The following L3MBTL3 variants were observed in gnomAD, a reference collection of about 807,000 sequenced individuals.
L3MBTL3 encodes L3MBTL histone methyl-lysine binding protein 3.
Under a neutral mutation model 102.3 loss-of-function variants are expected in L3MBTL3, and 27 were observed. The observed-to-expected ratio is 0.26, with a 90% CI of 0.19 to 0.36. The LOEUF is 0.36. Ranked by LOEUF, L3MBTL3 falls within the 10% of genes least tolerant of loss-of-function variation. The pLI is 1.00. For synonymous variants in L3MBTL3, 340 were observed against 320.9 expected (o/e 1.06, Z -0.64); for missense variants, 798 against 955.3 (o/e 0.84, Z 2.17).
At chr6:130,122,103 T>G (rs1055832742) in intron 20 of L3MBTL3, among the ~76,000 whole-genome samples, 2 of 152,214 alleles carry the variant, frequency 1.3e-5, no homozygotes, top group African/African-American at 4.8e-5. Context: ...ATAAATCAAA[T>G]ATAACAATAA....
At chr6:130,020,092 T>C (rs1279639022) in intron 1 of L3MBTL3, among the ~76,000 whole-genome samples, 2 of 144,284 alleles carry the variant, frequency 1.4e-5, no homozygotes, top group African/African-American at 5.2e-5. Flanking sequence ...TGCCTTATTC[T>C]GGGGAGGAAA....
At chr6:130,118,440 G>T (rs1038351127) in intron 19 of L3MBTL3, among the ~76,000 whole-genome samples, 19 of 152,076 alleles carry the variant, frequency 1.2e-4, no homozygotes, top group Non-Finnish European at 2.6e-4. Context: ...GATTCTGCTC[G>T]CTCCAGTGGT....
At chr6:130,051,606 T>G (rs1024051149) in intron 6 of L3MBTL3, among the ~76,000 whole-genome samples, 198 bp downstream of exon 6, 1 of 152,220 alleles carries the variant, frequency 6.6e-6, no homozygotes, top group Non-Finnish European at 1.5e-5. Flanking sequence ...GTCTGAGTTG[T>G]ATTACTAATA....
intron 3 of L3MBTL3, among the ~76,000 whole-genome samples, chr6:130,045,835 G>C (rs1218883038): frequency 1.3e-5 from 2 of 152,164 alleles, no homozygotes; most frequent in Non-Finnish European, 2.9e-5. Flanking sequence ...TTCCAGAAGA[G>C]GGAGTAGCTT....
At chr6:130,057,366 A>T in intron 8 of L3MBTL3, 40 bp from the exon 9 acceptor site, 1 of 1,525,630 alleles carries the variant, frequency 6.6e-7, no homozygotes, top group South Asian at 1.2e-5. Flanking sequence ...GCTGGCTTAG[A>T]TTTGGAAATT....
chr6:130,066,923 T>G (rs1782295402), intron 11 of L3MBTL3, among the ~76,000 whole-genome samples: 1 of 152,196 alleles, frequency 6.6e-6, no homozygotes, highest in Admixed American at 6.5e-5. Flanking sequence ...CGTATAGATC[T>G]TAATATTTAG....
At position 130,120,895 on chromosome 6, in the gene L3MBTL3, G is replaced by A. The variant is rs542990261; in HGVS notation, c.1903G>A (p.Asp635Asn). The change falls in exon 20 of 23, where the codon GAT becomes AAT. Residue 635 changes from aspartate to asparagine, a missense_variant. Physicochemically the swap from Asp to Asn is conservative, Grantham distance 23. Transcript: ENST00000361794. ...TTTTCTTAGAGACCAGCATGCTGAT[G>A]ATGTCAAAGAAGACTTTGAAGAGAG... Reference protein sequence around the residue: ...SPEIRDQHADDVKEDFEERTE... With the variant: ...SPEIRDQHADNVKEDFEERTE... 10 of 1,611,124 alleles carry A rather than the reference G, an allele frequency of 6.2e-6. No individual in the cohort carries two copies. In the South Asian group the frequency reaches 9.9e-5, roughly 16 times the overall value.
At position 130,103,048 on chromosome 6, in the gene L3MBTL3, G is replaced by A. The variant is rs151099784; in HGVS notation, c.1737-1378G>A. On this transcript the variant is annotated intron_variant, in intron 18 of 22. Transcript: ENST00000361794. ...ATAAGTGCTTCTTGAATAAATGAAC[G>A]AAATAAAGACTGAAGTTACTTAACT... 2.4e-4 allele frequency among the ~76,000 whole-genome samples: 37 copies of A among 152,264 alleles called. No individual in the cohort carries two copies. The East Asian group carries it at 7.1e-3, about 29-fold the overall frequency.
At chr6:130,113,106 T>C (rs1398453803) in intron 19 of L3MBTL3, among the ~76,000 whole-genome samples, 1 of 152,166 alleles carries the variant, frequency 6.6e-6, no homozygotes, top group Non-Finnish European at 1.5e-5. Flanking sequence ...TATGTGTTTC[T>C]CTGTATGTCT....
intron 19 of L3MBTL3, among the ~76,000 whole-genome samples, chr6:130,108,218 TG>T (rs1582585518): frequency 7.5e-6 from 1 of 132,948 alleles, no homozygotes; most frequent in East Asian, 2.1e-4. Context: ...AAATGTTAGG[TG>T]GTTTTTTTTT....
intron 2 of L3MBTL3, among the ~76,000 whole-genome samples, chr6:130,037,345 A>C (rs891190452): frequency 6.6e-6 from 1 of 152,078 alleles, no homozygotes; most frequent in South Asian, 2.1e-4. Context: ...AAACAGTAAA[A>C]CTTTTTTTAT....
At chr6:130,100,335 G>A (rs1338555476) in intron 18 of L3MBTL3, among the ~76,000 whole-genome samples, 2 of 152,064 alleles carry the variant, frequency 1.3e-5, no homozygotes, top group Admixed American at 6.6e-5. Context: ...CCTGATGTCC[G>A]CCTCCATGCA....
chr6:130,083,490 G>C, intron 14 of L3MBTL3, 130 bp from the exon 15 acceptor site: 1 of 453,868 alleles, frequency 2.2e-6, no homozygotes, highest in Non-Finnish European at 4.0e-6. Flanking sequence ...CTGAATGTGT[G>C]AGTAAAGTTG....
intron 8 of L3MBTL3, 33 bp downstream of exon 8, chr6:130,055,288 C>A (rs761191942): frequency 1.3e-6 from 2 of 1,536,430 alleles, no homozygotes; most frequent in Admixed American, 1.9e-5. Flanking sequence ...TTACTTGTAA[C>A]TTTATGAAAT....
At position 130,035,477 on chromosome 6, in the gene L3MBTL3, C is replaced by T. The variant is rs116935443; in HGVS notation, c.-15-7208C>T. Among the ~76,000 whole-genome samples the T allele has an allele frequency of 3.9e-4, 60 of 152,312 alleles. No individual in the cohort carries two copies. The East Asian group carries it at 0.011, about 27-fold the overall frequency. ...AGGAAAGTGTCGTATGTCATTTAGT[C>T]TGTTCTCCAGCCCTTTTGTTGGAGG... On this transcript the variant is annotated intron_variant, in intron 2 of 22. Coordinates refer to ENST00000361794, the MANE Select transcript of L3MBTL3 (RefSeq NM_032438.4).
intron 22 of L3MBTL3, among the ~76,000 whole-genome samples, 154 bp from the exon 23 acceptor site, chr6:130,139,456 G>A (rs1019720037): frequency 6.6e-6 from 1 of 152,168 alleles, no homozygotes; most frequent in African/African-American, 2.4e-5. Context: ...GATAAGAAAG[G>A]TCCATATATC....
At chr6:130,051,663 C>T (rs1781098991) in intron 6 of L3MBTL3, among the ~76,000 whole-genome samples, 1 of 152,190 alleles carries the variant, frequency 6.6e-6, no homozygotes, top group African/African-American at 2.4e-5. Context: ...TCTTCCATTT[C>T]CATTCATTTG....
chr6:130,104,363 A>G, intron 18 of L3MBTL3, 63 bp from the exon 19 acceptor site: 1 of 1,191,270 alleles, frequency 8.4e-7, no homozygotes, highest in Non-Finnish European at 1.1e-6. Flanking sequence ...TTTAATTGGA[A>G]GAAGTATGGC....
intron 22 of L3MBTL3, 126 bp downstream of exon 22, chr6:130,134,031 G>T: frequency 1.4e-6 from 1 of 706,794 alleles, no homozygotes; most frequent in Admixed American, 2.2e-5. Context: ...TTGACAAATT[G>T]ATGTATACTA....
Sources: gnomAD v4.1 joint callset for allele counts (sites outside exome capture counted in the v4.1 genomes callset) on GRCh38, gnomAD v4.1.1 for gene constraint, MANE v1.5 for transcripts, NCBI Gene and HGNC (gene_info 2026-07-23, HGNC 2026-07-21) for gene names.